The following KCNJ3 variants were observed in gnomAD, a reference collection of about 807,000 sequenced individuals.
The protein encoded by KCNJ3 is potassium inwardly rectifying channel subfamily J member 3.
Under a neutral mutation model 39.2 loss-of-function variants are expected in KCNJ3, and 4 were observed. The observed-to-expected ratio is 0.10, with a 90% CI of 0.05 to 0.23. KCNJ3 has a LOEUF of 0.23. Ranked by LOEUF, KCNJ3 falls within the 10% of genes least tolerant of loss-of-function variation. The pLI, the probability that KCNJ3 is intolerant of heterozygous loss-of-function variation, is 1.00. For missense variants in KCNJ3, 276 were observed against 634.9 expected, an observed-to-expected ratio of 0.43 and a Z score of 6.08; for synonymous variants, 230 against 237.4, an observed-to-expected ratio of 0.97 and a Z score of 0.29.
At chr2:154,726,033 T>A (rs767459950) in intron 2 of KCNJ3, among the ~76,000 whole-genome samples, 2 of 152,104 alleles carry the variant, frequency 1.3e-5, no homozygotes, top group Non-Finnish European at 2.9e-5. Context: ...GAAAACACCT[T>A]CTAGACATTG....
At chr2:154,815,759 A>G (rs1171706138) in intron 2 of KCNJ3, among the ~76,000 whole-genome samples, 1 of 152,228 alleles carries the variant, frequency 6.6e-6, no homozygotes, top group African/African-American at 2.4e-5. Flanking sequence ...GCCTCACTGC[A>G]GGCCCTTCAG....
At position 154,855,518 on chromosome 2, in the gene KCNJ3, G is replaced by T; in HGVS notation, c.*205G>T. The T allele has an allele frequency of 4.0e-6, 2 of 499,968 alleles. No homozygotes were observed. The highest frequency in any genetic ancestry group is 7.1e-6 in the Non-Finnish European group (2 of 282,620). 31.0% of individuals were successfully genotyped at this position (499,968 alleles called of 1,614,324 possible). ...AGGACATCATAAGGAAGTTATTAAC[G>T]GGCATGTATTATCACATCAAGCATG... On this transcript the variant is annotated 3_prime_UTR_variant, in exon 3 of 3. Coordinates refer to ENST00000295101, the MANE Select transcript of KCNJ3 (RefSeq NM_002239.4).
chr2:154,775,093 T>A (rs1574457803), intron 2 of KCNJ3, among the ~76,000 whole-genome samples: 1 of 152,254 alleles, frequency 6.6e-6, no homozygotes, highest in Non-Finnish European at 1.5e-5. Context: ...ATTTTTGTAC[T>A]TTTTGTAGAG....
chr2:154,793,932 A>G (rs1308992522), intron 2 of KCNJ3, among the ~76,000 whole-genome samples: 1 of 151,980 alleles, frequency 6.6e-6, no homozygotes, highest in African/African-American at 2.4e-5. Context: ...CCCAAACATT[A>G]TGGTATATAT....
intron 2 of KCNJ3, among the ~76,000 whole-genome samples, chr2:154,826,978 T>C (rs1196876254): frequency 6.6e-6 from 1 of 152,212 alleles, no homozygotes; most frequent in Non-Finnish European, 1.5e-5. Flanking sequence ...CCTCTAGGCA[T>C]CTTAGACAGT....
At chr2:154,788,634 TATTGACA>T (rs1686575628) in intron 2 of KCNJ3, among the ~76,000 whole-genome samples, 4 of 152,236 alleles carry the variant, frequency 2.6e-5, no homozygotes, top group African/African-American at 9.6e-5. Context: ...TAACACTTGT[TATTGACA>T]TATGTTTTGC....
At chr2:154,758,955 G>A (rs2105187257) in intron 2 of KCNJ3, among the ~76,000 whole-genome samples, 1 of 152,266 alleles carries the variant, frequency 6.6e-6, no homozygotes, top group Non-Finnish European at 1.5e-5. Flanking sequence ...TTTCAAGTTT[G>A]CTTCTCAGGC....
chr2:154,765,696 C>T lies in KCNJ3; in HGVS notation c.919+55877C>T, dbSNP rs144796045. Among the ~76,000 whole-genome samples, 75 of 152,298 alleles carry T rather than the reference C, an allele frequency of 4.9e-4. No homozygotes were observed. In the East Asian group the frequency reaches 0.013, roughly 27 times the overall value. Reference sequence around the variant, plus strand: ...CTAGTGGTTCCTTAACTGGGTGCCACAGCACTACAGTGAACTCTTGGGACG... The same window carrying T: ...CTAGTGGTTCCTTAACTGGGTGCCATAGCACTACAGTGAACTCTTGGGACG... On this transcript the variant is annotated intron_variant, in intron 2 of 2. Coordinates refer to ENST00000295101, the MANE Select transcript of KCNJ3 (RefSeq NM_002239.4).
intron 2 of KCNJ3, among the ~76,000 whole-genome samples, chr2:154,834,616 C>T (rs1046932754): frequency 5.9e-5 from 9 of 151,950 alleles, no homozygotes; most frequent in African/African-American, 2.2e-4. Context: ...GTAATCCCAG[C>T]TACTCCGGAG....
chr2:154,828,189 A>G (rs1687301871), intron 2 of KCNJ3, among the ~76,000 whole-genome samples: 1 of 152,242 alleles, frequency 6.6e-6, no homozygotes, highest in Admixed American at 6.5e-5. Flanking sequence ...TTTAAAAATT[A>G]TAAAGCATGG....
chr2:154,770,368 G>C (rs1347240457), intron 2 of KCNJ3, among the ~76,000 whole-genome samples: 2 of 152,072 alleles, frequency 1.3e-5, no homozygotes, highest in East Asian at 1.9e-4. Flanking sequence ...TCTTAATTCT[G>C]TTCCGTCGTA....
intron 2 of KCNJ3, among the ~76,000 whole-genome samples, chr2:154,824,290 C>T (rs1013051396): frequency 3.3e-5 from 5 of 152,024 alleles, no homozygotes; most frequent in East Asian, 1.9e-4. Context: ...AAGCTGTGAT[C>T]GCGCCACTGC....
chr2:154,836,853 T>C (rs1173139975), intron 2 of KCNJ3, among the ~76,000 whole-genome samples: 1 of 152,152 alleles, frequency 6.6e-6, no homozygotes, highest in Non-Finnish European at 1.5e-5. Flanking sequence ...GCAAACAAAA[T>C]GTATTTGAAT....
chr2:154,760,829 C>T (rs766886291), intron 2 of KCNJ3, among the ~76,000 whole-genome samples: 10 of 149,752 alleles, frequency 6.7e-5, no homozygotes, highest in East Asian at 3.9e-4. Context: ...TTCCGCCTCC[C>T]GGGTTCATGC....
intron 2 of KCNJ3, among the ~76,000 whole-genome samples, chr2:154,712,791 T>G (rs1490266655): frequency 6.6e-6 from 1 of 151,958 alleles, no homozygotes; most frequent in Non-Finnish European, 1.5e-5. Flanking sequence ...TAAAAATAAA[T>G]AAATAAACAA....
At chr2:154,813,540 G>A (rs987853632) in intron 2 of KCNJ3, among the ~76,000 whole-genome samples, 4 of 151,924 alleles carry the variant, frequency 2.6e-5, no homozygotes, top group East Asian at 3.9e-4. Context: ...GTGAATTCTG[G>A]TAGAACATAG....
intron 2 of KCNJ3, among the ~76,000 whole-genome samples, chr2:154,761,688 A>G (rs1225047641): frequency 1.3e-5 from 2 of 152,216 alleles, no homozygotes; most frequent in East Asian, 1.9e-4. Flanking sequence ...AAAGGGAATA[A>G]TTTAATTTTT....
At position 154,821,939 on chromosome 2, in the gene KCNJ3, C is replaced by A. The variant is rs375286883; in HGVS notation, c.920-32788C>A. 2.1e-4 allele frequency among the ~76,000 whole-genome samples: 32 copies of A among 151,908 alleles called. 2 individuals carry two copies. The highest frequency in any genetic ancestry group is 7.7e-4 in the African/African-American group (32 of 41,406). On this transcript the variant is annotated intron_variant, in intron 2 of 2. Transcript: ENST00000295101. ...TACAGGAGTGAGCCACCGCTCCCAG[C>A]CTGAATATGTGATTTTTTTTTTTAA...
At chr2:154,848,425 TCAC>T (rs1030665633) in intron 2 of KCNJ3, among the ~76,000 whole-genome samples, 6 of 152,244 alleles carry the variant, frequency 3.9e-5, no homozygotes, top group East Asian at 1.9e-4. Context: ...GTAATTAATA[TCAC>T]CACTATTATT....
Sources: allele counts gnomAD v4.1 joint callset (sites outside exome capture counted in the v4.1 genomes callset), GRCh38; gene constraint gnomAD v4.1.1; transcripts MANE v1.5; gene names NCBI Gene and HGNC (gene_info 2026-07-23, HGNC 2026-07-21).